The following CHST6 variants were observed in gnomAD, a reference collection of about 807,000 sequenced individuals.
CHST6 encodes the protein N-acetylglucosamine 6-O-sulfotransferase 5.
For synonymous variants in CHST6, 309 were observed against 276.4 expected (o/e 1.12, Z -1.17); for missense variants, 698 against 586.2 (o/e 1.19, Z -1.97).
intron 1 of CHST6, among the ~76,000 whole-genome samples, chr16:75,487,147 T>C (rs912998241): frequency 1.3e-5 from 2 of 152,206 alleles, no homozygotes; most frequent in Non-Finnish European, 2.9e-5. Flanking sequence ...CCACATGGCT[T>C]TCTGCCGAGC....
At chr16:75,487,037 A>G (rs2080205140) in intron 1 of CHST6, among the ~76,000 whole-genome samples, 1 of 152,248 alleles carries the variant, frequency 6.6e-6, no homozygotes, top group African/African-American at 2.4e-5. Flanking sequence ...ATGTCAAGGA[A>G]TGTCCCAAAC....
rs2080048162 is a variant in CHST6 at position 75,474,611 on chromosome 16, A to G, written c.*4030T>C. On this transcript the variant is annotated 3_prime_UTR_variant, in exon 3 of 3. Coordinates refer to ENST00000332272, the MANE Select transcript of CHST6 (RefSeq NM_021615.5). ...ATAATAAATAGAAGTGTATTGGCTTACAGTTCTGGAGGCTGGGAAGCCCAA... is the reference window on the plus strand; with the variant it reads ...ATAATAAATAGAAGTGTATTGGCTTGCAGTTCTGGAGGCTGGGAAGCCCAA... The G allele has an allele frequency of 5.0e-6, 2 of 398,796 alleles. No individual in the cohort carries two copies. The highest frequency in any genetic ancestry group is 4.1e-5 in the African/African-American group (2 of 48,636). The allele number at this position is 398,796 out of a possible 1,614,324, so 24.7% of individuals were successfully genotyped here. A position where few individuals can be genotyped will look rare whatever the true frequency, so the allele number is the denominator to read the frequency against.
At chr16:75,487,705 G>A (rs534349296) in intron 1 of CHST6, among the ~76,000 whole-genome samples, 22 of 151,300 alleles carry the variant, frequency 1.5e-4, no homozygotes, top group African/African-American at 4.6e-4. Context: ...AGGCTGAGGT[G>A]GGAGAATGGC....
In CHST6 at chr16:75,491,611, C is replaced by A. The variant is rs558376112; in HGVS notation, c.-92+3329G>T. Among the ~76,000 whole-genome samples, 28 of 152,208 alleles carry A rather than the reference C, an allele frequency of 1.8e-4. No individual in the cohort carries two copies. In the East Asian group the frequency reaches 4.8e-3, roughly 26 times the overall value. On this transcript the variant is annotated intron_variant, in intron 1 of 2. Transcript: ENST00000332272. Reference sequence around the variant, plus strand: ...GGTCTCGATCTCCTGACCTCGTGATCCGCCTGCCTCAGTCTCCCAAAGTGC... The same window carrying A: ...GGTCTCGATCTCCTGACCTCGTGATACGCCTGCCTCAGTCTCCCAAAGTGC...
Position 75,479,245 on chromosome 16 carries a change from A to T in CHST6, c.584T>A (p.Leu195Gln), listed in dbSNP as rs1191545459. ...GTCGCGCACCAGGTGCACGATGCGTAGGTTGAGCGCGGGGTCGCTGAGCAG... is the reference window on the plus strand; with the variant it reads ...GTCGCGCACCAGGTGCACGATGCGTTGGTTGAGCGCGGGGTCGCTGAGCAG... ...YPLLSDPALN[L>Q]RIVHLVRDPR... The change falls in exon 3 of 3, where the codon CTA becomes CAA. Residue 195 changes from leucine (L) to glutamine (Q), a missense_variant. Transcript: ENST00000332272. 6.2e-7 allele frequency: 1 copy of T among 1,612,134 alleles called. No individual in the cohort carries two copies. The highest frequency in any genetic ancestry group is 2.2e-5 in the East Asian group (1 of 44,854).
In CHST6 at chr16:75,476,492, C is replaced by A. The variant is rs1324771912; in HGVS notation, c.*2149G>T. On this transcript the variant is annotated 3_prime_UTR_variant, in exon 3 of 3. Coordinates refer to ENST00000332272, the MANE Select transcript of CHST6 (RefSeq NM_021615.5). ...CTTGAACTCAGGAGGCAGAGAGAGG[C>A]AGAGGTTGCAGTGAGCCGAGATTGT... is the stretch of plus-strand genomic sequence containing the variant. 1 of 133,638 alleles carries A rather than the reference C, an allele frequency of 7.5e-6. No homozygotes were observed. The highest frequency in any genetic ancestry group is 1.5e-5 in the Non-Finnish European group (1 of 65,252). 8.3% of individuals were successfully genotyped at this position (133,638 alleles called of 1,614,324 possible).
Position 75,475,107 on chromosome 16 carries a change from G to T in CHST6, c.*3534C>A. 6.3e-6 allele frequency: 1 copy of T among 157,750 alleles called. No individual in the cohort carries two copies. The allele number at this position is 157,750 out of a possible 1,614,324, so 9.8% of individuals were successfully genotyped here. A position where few individuals can be genotyped will look rare whatever the true frequency, so the allele number is the denominator to read the frequency against. On this transcript the variant is annotated 3_prime_UTR_variant, in exon 3 of 3. Coordinates refer to ENST00000332272, the MANE Select transcript of CHST6 (RefSeq NM_021615.5). Reference sequence around the variant, plus strand: ...TACCATGCCTGCGCCCAGAAATAATGTTCTCTACCCATTCACAAGGGCATA... The same window carrying T: ...TACCATGCCTGCGCCCAGAAATAATTTTCTCTACCCATTCACAAGGGCATA...
At chr16:75,491,274 T>C (rs549665249) in intron 1 of CHST6, among the ~76,000 whole-genome samples, 54 of 145,974 alleles carry the variant, frequency 3.7e-4, no homozygotes, top group African/African-American at 1.2e-3. Flanking sequence ...ATGAATTCTA[T>C]CTCAATAAAG....
At chr16:75,493,478 C>A (rs1438200458) in intron 1 of CHST6, among the ~76,000 whole-genome samples, 1 of 149,324 alleles carries the variant, frequency 6.7e-6, no homozygotes, top group African/African-American at 2.5e-5. Context: ...GTCACTTTCA[C>A]TGCACTCCAG....
intron 1 of CHST6, among the ~76,000 whole-genome samples, chr16:75,482,513 G>A (rs556514351): frequency 7.9e-5 from 12 of 152,278 alleles, no homozygotes; most frequent in African/African-American, 2.4e-4. Context: ...ACTCCAGCCT[G>A]GGCAACAAGG....
Position 75,479,611 on chromosome 16 carries a change from G to A in CHST6, c.218C>T (p.Ala73Val), listed in dbSNP as rs776750339. The A allele has an allele frequency of 2.5e-6, 4 of 1,612,864 alleles. No individual in the cohort carries two copies. Among genetic ancestry groups the A allele is most frequent in the Non-Finnish European group, 2.5e-6 (3 of 1,179,844 alleles). ...HPDVFYLMEP[A>V]WHVWTTLSQG... ...CGACAGGGTGGTCCACACGTGCCAC[G>A]CGGGCTCCATTAGGTAGAAGACGTC... Residue 73 changes from alanine to valine, a missense_variant, in exon 3 of 3, where the codon GCG (alanine) becomes GTG (valine). Physicochemically the swap from Ala to Val is moderately conservative, Grantham distance 64. Coordinates refer to ENST00000332272, the MANE Select transcript of CHST6 (RefSeq NM_021615.5).
chr16:75,475,542 C>G lies in CHST6; in HGVS notation c.*3099G>C, dbSNP rs1567406249. On this transcript the variant is annotated 3_prime_UTR_variant, in exon 3 of 3. Transcript: ENST00000332272. ...TAAACCTTCCTGTTGGGACTGCACT[C>G]TCACAGAGATATAAGACATACGTGA... 1 of 152,260 alleles carries G rather than the reference C, an allele frequency of 6.6e-6. No homozygotes were observed. Among genetic ancestry groups the G allele is most frequent in the East Asian group, 1.9e-4 (1 of 5,192 alleles). 9.4% of individuals were successfully genotyped at this position (152,260 alleles called of 1,614,324 possible).
At chr16:75,492,554 G>C (rs983555429) in intron 1 of CHST6, among the ~76,000 whole-genome samples, 1 of 152,170 alleles carries the variant, frequency 6.6e-6, no homozygotes, top group Non-Finnish European at 1.5e-5. Context: ...TATTTTATAG[G>C]AAAATAACTC....
Position 75,476,974 on chromosome 16 carries a change from C to T in CHST6, c.*1667G>A, listed in dbSNP as rs1394634718. ...GGCCAGGCTGTTCTTGAATGCCTGA[C>T]CTCAGGTGATTCATCCCCCTCGGCC... On this transcript the variant is annotated 3_prime_UTR_variant, in exon 3 of 3. Transcript: ENST00000332272. 6.6e-6 allele frequency: 1 copy of T among 152,106 alleles called. No homozygotes were observed. Among genetic ancestry groups the T allele is most frequent in the East Asian group, 1.9e-4 (1 of 5,168 alleles). The allele number at this position is 152,106 out of a possible 1,614,324, so 9.4% of individuals were successfully genotyped here.
chr16:75,478,631 G>A lies in CHST6; in HGVS notation c.*10C>T. On this transcript the variant is annotated 3_prime_UTR_variant, in exon 3 of 3. Coordinates refer to ENST00000332272, the MANE Select transcript of CHST6 (RefSeq NM_021615.5). ...CCCGGGCCTAGCGCCTGCTACAACT[G>A]TGGCCTCCACTAATTTCGGGGGTGC... 6.2e-7 allele frequency: 1 copy of A among 1,611,822 alleles called. No homozygotes were observed. Among genetic ancestry groups the A allele is most frequent in the Non-Finnish European group, 8.5e-7 (1 of 1,178,942 alleles).
At chr16:75,493,378 G>A (rs1023115682) in intron 1 of CHST6, among the ~76,000 whole-genome samples, 7 of 151,870 alleles carry the variant, frequency 4.6e-5, no homozygotes, top group Non-Finnish European at 8.8e-5. Context: ...GCGTGGTGGC[G>A]GGTGCCTGTA....
rs2080088467 is a variant in CHST6 at position 75,478,338 on chromosome 16, GGAAGAAAGCCCTT to G, written c.*290_*302del. 2 of 454,140 alleles carry G rather than the reference GGAAGAAAGCCCTT, an allele frequency of 4.4e-6. No homozygotes were observed. The highest frequency in any genetic ancestry group is 8.2e-6 in the Non-Finnish European group (2 of 245,384). The allele number at this position is 454,140 out of a possible 1,614,324, so 28.1% of individuals were successfully genotyped here. ...GTCACCAGAAGGAGAGAGTTAAAGG[GGAAGAAAGCCCTT>G]GAGTAGGAGCCAAGTCATCTGAACG... On this transcript the variant is annotated 3_prime_UTR_variant, in exon 3 of 3. Transcript: ENST00000332272.
chr16:75,479,009 C>G lies in CHST6; in HGVS notation c.820G>C (p.Glu274Gln). ...LRGRYRLVRF[E>Q]DLAREPLAEI... ...GCCAGCGGCTCCCGCGCCAGGTCCT[C>G]GAAGCGCACCAGGCGGTAGCGGCCG... The change falls in exon 3 of 3, where the codon GAG becomes CAG. Residue 274 changes from glutamate (E) to glutamine (Q), a missense_variant. By Grantham distance (29) the Glu-to-Gln change is conservative. Coordinates refer to ENST00000332272, the MANE Select transcript of CHST6 (RefSeq NM_021615.5). 1 of 1,611,662 alleles carries G rather than the reference C, an allele frequency of 6.2e-7. No individual in the cohort carries two copies. The highest frequency in any genetic ancestry group is 8.5e-7 in the Non-Finnish European group (1 of 1,179,918).
At chr16:75,483,819 C>G (rs1487356838) in intron 1 of CHST6, among the ~76,000 whole-genome samples, 1 of 148,260 alleles carries the variant, frequency 6.7e-6, no homozygotes, top group African/African-American at 2.5e-5. Context: ...GGCCCAGAAG[C>G]TCAAGACCAG....
Sources: allele counts gnomAD v4.1 joint callset (sites outside exome capture counted in the v4.1 genomes callset), GRCh38; gene constraint gnomAD v4.1.1; transcripts MANE v1.5; gene names NCBI Gene and HGNC (gene_info 2026-07-23, HGNC 2026-07-21).